Variants in ULK4 observed in about 807,000 individuals in gnomAD.
The protein encoded by ULK4 is inactive serine/threonine-protein kinase ULK4.
Under a neutral mutation model 160.6 loss-of-function variants are expected in ULK4, and 133 were observed. That is an observed-to-expected ratio of 0.83 (90% confidence interval 0.72 to 0.96). The LOEUF (loss-of-function observed/expected upper bound fraction) is 0.96, where lower values mean the gene tolerates loss of function less well. ULK4 is among the 40% of genes least tolerant of loss of function. ULK4 has a pLI of 0.00. For synonymous variants in ULK4, 534 were observed against 539.8 expected, an observed-to-expected ratio of 0.99 and a Z score of 0.15; for missense variants, 1,580 against 1,499.5, an observed-to-expected ratio of 1.05 and a Z score of -0.89.
At chr3:41,388,806 C>T (rs1260704221) in intron 35 of ULK4, among the ~76,000 whole-genome samples, 24 of 152,210 alleles carry the variant, frequency 1.6e-4, no homozygotes, top group Non-Finnish European at 2.6e-4. Context: ...AGTCAGGTAG[C>T]ATGATCCCTC....
chr3:41,931,796 T>G (rs539940295), intron 5 of ULK4, 48 bp downstream of exon 5: 3 of 1,596,476 alleles, frequency 1.9e-6, no homozygotes, highest in Non-Finnish European at 2.6e-6. Flanking sequence ...AGGACTTGGA[T>G]GGTCCACAAC....
At chr3:41,847,117 T>C (rs1575819469) in intron 17 of ULK4, among the ~76,000 whole-genome samples, 1 of 152,210 alleles carries the variant, frequency 6.6e-6, no homozygotes, top group Admixed American at 6.5e-5. Context: ...ATAACAAGTA[T>C]GACTGGGTGG....
At chr3:41,398,015 C>A (rs879045461) in intron 35 of ULK4, 64 bp downstream of exon 35, 2 of 1,521,248 alleles carry the variant, frequency 1.3e-6, no homozygotes, top group African/African-American at 1.4e-5. Context: ...GAAATGGCTA[C>A]TCACTGTCCA....
At chr3:41,925,596 C>A (rs975997536) in intron 5 of ULK4, among the ~76,000 whole-genome samples, 10 of 152,134 alleles carry the variant, frequency 6.6e-5, no homozygotes, top group African/African-American at 2.4e-4. Context: ...CAGGGAGTCA[C>A]ATGGTCAGGC....
At chr3:41,903,604 T>C (rs1486729779) in intron 12 of ULK4, among the ~76,000 whole-genome samples, 4 of 136,634 alleles carry the variant, frequency 2.9e-5, no homozygotes, top group African/African-American at 1.1e-4. Context: ...AAAAAAAAAA[T>C]GTAAGATGAG....
At chr3:41,825,286 C>A (rs2041305078) in intron 18 of ULK4, among the ~76,000 whole-genome samples, 1 of 152,202 alleles carries the variant, frequency 6.6e-6, no homozygotes, top group Admixed American at 6.5e-5. Context: ...CAGCTCCTCA[C>A]CAGCAACGGA....
chr3:41,405,459 GAAGA>G lies in ULK4; in HGVS notation c.3493-7199_3493-7196del, dbSNP rs1425426728. On this transcript the variant is annotated intron_variant, in intron 34 of 36. Transcript: ENST00000301831. The stretch of plus-strand genomic sequence containing the variant: ...ACATACAAGTGCATGTGTCTTTTTG[GAAGA>G]ACAATTTGTTTTCTCTTGGATATAT... 2.0e-5 allele frequency among the ~76,000 whole-genome samples: 3 copies of G among 152,104 alleles called. No individual in the cohort carries two copies. In the East Asian group the frequency reaches 5.8e-4, roughly 29 times the overall value.
At chr3:41,503,866 GAA>G (rs1368132185) in intron 32 of ULK4, among the ~76,000 whole-genome samples, 3 of 152,112 alleles carry the variant, frequency 2.0e-5, no homozygotes, top group African/African-American at 4.8e-5. Context: ...CAGTTACCTT[GAA>G]AAGAGCTAGA....
Position 41,874,324 on chromosome 3 carries a change from C to A in ULK4, c.1656+9550G>T, listed in dbSNP as rs367678868. Among the ~76,000 whole-genome samples, 7 of 152,236 alleles carry A rather than the reference C, an allele frequency of 4.6e-5. No individual in the cohort carries two copies. In the East Asian group the frequency reaches 7.7e-4, roughly 17 times the overall value. ...TCATCATACACTACGTTTAGAGTTT[C>A]CAAAAGCACACAATTTTCAGGAAGA... On this transcript the variant is annotated intron_variant, in intron 17 of 36. Coordinates refer to ENST00000301831, the MANE Select transcript of ULK4 (RefSeq NM_017886.4).
intron 2 of ULK4, among the ~76,000 whole-genome samples, chr3:41,945,254 G>A (rs1045620013): frequency 1.1e-4 from 17 of 148,634 alleles, no homozygotes; most frequent in Non-Finnish European, 2.0e-4. Context: ...AAGATGTGCC[G>A]GCAAATGGAT....
chr3:41,715,307 G>C lies in ULK4; in HGVS notation c.2578-14C>G. The C allele has an allele frequency of 6.2e-7, 1 of 1,613,480 alleles. No homozygotes were observed. Among genetic ancestry groups the C allele is most frequent in the Non-Finnish European group, 8.5e-7 (1 of 1,179,882 alleles). ...AGGTCGAAATACCTGTGTGATGAGA[G>C]TTTCTACAGATTAAATTCTGGAAGC... is the stretch of plus-strand genomic sequence containing the variant. On this transcript the variant is annotated splice_polypyrimidine_tract_variant and intron_variant, in intron 24 of 36. Transcript: ENST00000301831.
At chr3:41,754,895 C>G (rs1402965484) in intron 21 of ULK4, among the ~76,000 whole-genome samples, 1 of 152,286 alleles carries the variant, frequency 6.6e-6, no homozygotes, top group Non-Finnish European at 1.5e-5. Context: ...CTGAGAAGAG[C>G]TGCATATAGA....
At chr3:41,928,624 A>C (rs2148819836) in intron 5 of ULK4, among the ~76,000 whole-genome samples, 1 of 152,086 alleles carries the variant, frequency 6.6e-6, no homozygotes, top group Middle Eastern at 3.4e-3. Flanking sequence ...CAAAGAAAAG[A>C]AACAAACACA....
intron 2 of ULK4, among the ~76,000 whole-genome samples, chr3:41,951,005 A>G (rs1481290683): frequency 1.1e-4 from 16 of 151,786 alleles, no homozygotes; most frequent in Admixed American, 1.0e-3. Flanking sequence ...TTAGCTGGGC[A>G]TGGTGGCGGG....
chr3:41,728,885 TA>T (rs1042163186), intron 22 of ULK4, among the ~76,000 whole-genome samples: 26 of 152,182 alleles, frequency 1.7e-4, no homozygotes, highest in African/African-American at 6.0e-4. Flanking sequence ...ATCCACTTGA[TA>T]TATAATCACA....
chr3:41,573,823 G>A (rs1217707163), intron 31 of ULK4, among the ~76,000 whole-genome samples: 1 of 152,174 alleles, frequency 6.6e-6, no homozygotes, highest in Non-Finnish European at 1.5e-5. Context: ...GTCACTTTCT[G>A]TCACAAACAT....
chr3:41,735,762 T>C (rs1043938694), intron 22 of ULK4, among the ~76,000 whole-genome samples: 3 of 151,166 alleles, frequency 2.0e-5, no homozygotes, highest in African/African-American at 4.9e-5. Flanking sequence ...GTTTGTTACA[T>C]ATGTATACAT....
At chr3:41,568,736 G>C (rs573820429) in intron 31 of ULK4, among the ~76,000 whole-genome samples, 3 of 152,100 alleles carry the variant, frequency 2.0e-5, no homozygotes, top group African/African-American at 4.8e-5. Context: ...CCCCACACAC[G>C]AAGCAAGCAA....
chr3:41,585,869 A>G (rs2030757691), intron 31 of ULK4, among the ~76,000 whole-genome samples: 1 of 152,208 alleles, frequency 6.6e-6, no homozygotes, highest in Non-Finnish European at 1.5e-5. Flanking sequence ...ACAATTCTCT[A>G]AAGATGAAAT....
Sources: gnomAD v4.1 joint callset for allele counts (sites outside exome capture counted in the v4.1 genomes callset) on GRCh38, gnomAD v4.1.1 for gene constraint, MANE v1.5 for transcripts, NCBI Gene and HGNC (gene_info 2026-07-23, HGNC 2026-07-21) for gene names.